Variants in PAK1 observed in about 807,000 individuals in gnomAD.
The protein encoded by PAK1 is p21 (RAC1) activated kinase 1, also known as serine/threonine-protein kinase PAK 1.
A neutral mutation model predicts 67.4 loss-of-function variants in PAK1; 29 were observed. The ratio of observed to expected loss-of-function variants is 0.43; its 90% CI spans 0.32 to 0.59. The LOEUF (loss-of-function observed/expected upper bound fraction) is 0.59. Among genes scored for constraint, PAK1 ranks in the 20% least tolerant of loss-of-function variants. PAK1 has a pLI of 0.07. For synonymous variants in PAK1, 223 were observed against 237.4 expected (o/e 0.94, Z 0.56); for missense variants, 337 against 670.7 (o/e 0.50, Z 5.50).
chr11:77,465,401 G>A (rs1957551050), intron 1 of PAK1, among the ~76,000 whole-genome samples: 1 of 151,966 alleles, frequency 6.6e-6, no homozygotes, highest in Admixed American at 6.6e-5. Context: ...ATATAAAAGG[G>A]TTTTGAAAAC....
intron 1 of PAK1, among the ~76,000 whole-genome samples, chr11:77,405,786 C>G (rs113063392): frequency 2.6e-5 from 4 of 152,052 alleles, no homozygotes; most frequent in African/African-American, 9.6e-5. Context: ...CAAAACTTCT[C>G]AGAACTGTCT....
At chr11:77,413,754 G>A (rs1457227050) in intron 1 of PAK1, among the ~76,000 whole-genome samples, 4 of 151,776 alleles carry the variant, frequency 2.6e-5, no homozygotes, top group African/African-American at 9.7e-5. Context: ...AGAAAGAATT[G>A]GTCAATAATA....
At chr11:77,324,746 T>C (rs1308616441) in intron 14 of PAK1, among the ~76,000 whole-genome samples, 2 of 122,410 alleles carry the variant, frequency 1.6e-5, no homozygotes, top group Non-Finnish European at 3.4e-5. Context: ...ATTGTATATA[T>C]GTATACACAC....
At chr11:77,365,759 G>T (rs1947472853) in intron 5 of PAK1, among the ~76,000 whole-genome samples, 1 of 152,072 alleles carries the variant, frequency 6.6e-6, no homozygotes, top group African/African-American at 2.4e-5. Context: ...CCTGAACTCA[G>T]GAGGCAGAGG....
At chr11:77,373,317 T>C (rs1479182250) in intron 5 of PAK1, among the ~76,000 whole-genome samples, 4 of 152,114 alleles carry the variant, frequency 2.6e-5, no homozygotes, top group African/African-American at 9.7e-5. Context: ...GGAGGATCAC[T>C]TGAAGCCAGG....
intron 5 of PAK1, among the ~76,000 whole-genome samples, chr11:77,367,990 C>T (rs1591991254): frequency 6.6e-6 from 1 of 152,038 alleles, no homozygotes; most frequent in African/African-American, 2.4e-5. Context: ...AACAAACAAA[C>T]AAACAAAAAG....
chr11:77,334,429 A>G (rs558086903), intron 13 of PAK1, among the ~76,000 whole-genome samples: 72 of 152,328 alleles, frequency 4.7e-4, no homozygotes, highest in African/African-American at 1.7e-3. Context: ...ATGAGCATGT[A>G]GATGACCACC....
At chr11:77,465,026 C>T (rs868202899) in intron 1 of PAK1, among the ~76,000 whole-genome samples, 1 of 145,226 alleles carries the variant, frequency 6.9e-6, no homozygotes. Flanking sequence ...GTGTGTGTGT[C>T]TGTGTGTGTG....
At chr11:77,370,156 A>G (rs921449171) in intron 5 of PAK1, among the ~76,000 whole-genome samples, 2 of 152,226 alleles carry the variant, frequency 1.3e-5, no homozygotes. Context: ...GTATGTAGGC[A>G]TGGAAAAGTA....
chr11:77,448,733 T>C (rs944361079), intron 1 of PAK1, among the ~76,000 whole-genome samples: 3 of 152,208 alleles, frequency 2.0e-5, no homozygotes, highest in Admixed American at 2.0e-4. Flanking sequence ...TGATAGGTTA[T>C]ACAGAACCAG....
the PAK1 span, among the ~76,000 whole-genome samples, chr11:77,519,008 G>A: frequency 6.6e-6 from 1 of 152,118 alleles, no homozygotes; most frequent in African/African-American, 2.4e-5. Flanking sequence ...CAGACCTCAT[G>A]TTATCTCTCC....
At chr11:77,457,014 T>A (rs1473972697) in intron 1 of PAK1, among the ~76,000 whole-genome samples, 1 of 152,172 alleles carries the variant, frequency 6.6e-6, no homozygotes, top group Non-Finnish European at 1.5e-5. Flanking sequence ...GTGCTGGGAT[T>A]ACAGGCATGA....
At chr11:77,388,634 T>C (rs1328965459) in intron 2 of PAK1, among the ~76,000 whole-genome samples, 2 of 152,234 alleles carry the variant, frequency 1.3e-5, no homozygotes, top group Non-Finnish European at 2.9e-5. Context: ...ATTACAGGCA[T>C]GAGCCACCGT....
chr11:77,380,073 T>TAAAATAA, intron 2 of PAK1, 79 bp from the exon 3 acceptor site: 1 of 1,044,364 alleles, frequency 9.6e-7, no homozygotes, highest in Non-Finnish European at 1.4e-6. Context: ...TTTATTGAGC[T>TAAAATAA]GTAGTCTCCT....
the PAK1 span, among the ~76,000 whole-genome samples, chr11:77,516,301 G>A: frequency 3.3e-5 from 5 of 152,094 alleles, no homozygotes; most frequent in Admixed American, 6.5e-5. Context: ...ATACAATGTC[G>A]TGACTAAAAG....
At chr11:77,471,730 C>T (rs1957865222) in intron 1 of PAK1, among the ~76,000 whole-genome samples, 1 of 152,078 alleles carries the variant, frequency 6.6e-6, no homozygotes, top group Admixed American at 6.5e-5. Context: ...GGGTAGGGGG[C>T]GCTGATGTGG....
chr11:77,465,137 C>T (rs542650673), intron 1 of PAK1, among the ~76,000 whole-genome samples: 66 of 152,104 alleles, frequency 4.3e-4, no homozygotes, highest in African/African-American at 1.5e-3. Flanking sequence ...AGTAAAAAAA[C>T]GATTTTTTGA....
chr11:77,515,974 T>A, the PAK1 span, among the ~76,000 whole-genome samples: 1 of 152,216 alleles, frequency 6.6e-6, no homozygotes, highest in South Asian at 2.1e-4. Flanking sequence ...AGTTGGAATG[T>A]AAGGCCCTCC....
intron 1 of PAK1, among the ~76,000 whole-genome samples, chr11:77,434,568 C>A (rs1339470659): frequency 6.6e-6 from 1 of 152,000 alleles, no homozygotes; most frequent in Non-Finnish European, 1.5e-5. Context: ...CCACCTCAGC[C>A]TCCCAAGTAG....
Sources: gnomAD v4.1 joint callset for allele counts (sites outside exome capture counted in the v4.1 genomes callset) on GRCh38, gnomAD v4.1.1 for gene constraint, MANE v1.5 for transcripts, NCBI Gene and HGNC (gene_info 2026-07-23, HGNC 2026-07-21) for gene names.